Variants in LRBA observed in about 807,000 individuals in gnomAD.
LRBA encodes the protein LPS responsive beige-like anchor protein.
Under a neutral mutation model 330.0 loss-of-function variants are expected in LRBA, and 176 were observed. The ratio of observed to expected loss-of-function variants is 0.53; its 90% CI spans 0.47 to 0.60. LRBA has a LOEUF of 0.60. LRBA is among the 20% of genes least tolerant of loss of function. The pLI, the probability that LRBA is intolerant of heterozygous loss-of-function variation, is 0.00. For synonymous variants in LRBA, 1,230 were observed against 1,193.0 expected (o/e 1.03, Z -0.64); for missense variants, 3,259 against 3,444.8 (o/e 0.95, Z 1.35).
chr4:150,690,822 T>C (rs10018648), intron 36 of LRBA, among the ~76,000 whole-genome samples: 104,723 of 151,896 alleles, frequency 0.69, 41,970 homozygotes, highest in Non-Finnish European at 0.9. Context: ...AACTTTGGGA[T>C]AGGCAATGTT....
chr4:150,799,134 T>G (rs1332865341), intron 33 of LRBA, among the ~76,000 whole-genome samples: 1 of 152,228 alleles, frequency 6.6e-6, no homozygotes, highest in Non-Finnish European at 1.5e-5. Context: ...TTTTTAGCTT[T>G]ATAAATAGCA....
intron 53 of LRBA, among the ~76,000 whole-genome samples, chr4:150,302,359 G>T (rs1213169500): frequency 6.6e-6 from 1 of 151,962 alleles, no homozygotes; most frequent in South Asian, 2.1e-4. Flanking sequence ...ACTTTATTTG[G>T]TGACAGCTAT....
Position 150,282,382 on chromosome 4 carries a change from T to C in LRBA, c.8316+68A>G, listed in dbSNP as rs1453501771. 22 of 1,417,510 alleles carry C rather than the reference T, an allele frequency of 1.6e-5. No homozygotes were observed. In the East Asian group the frequency reaches 4.1e-4, roughly 26 times the overall value. 87.8% of individuals were successfully genotyped at this position (1,417,510 alleles called of 1,614,324 possible). ...AAATAGAGGTTTCTTTCGCGAACCC[T>C]CTCCCTCCCCACTTGACACACGTTG... On this transcript the variant is annotated intron_variant, in intron 55 of 56. Coordinates refer to ENST00000651943, the MANE Select transcript of LRBA (RefSeq NM_001364905.1).
chr4:150,988,188 A>G (rs1741670426), intron 2 of LRBA, among the ~76,000 whole-genome samples: 1 of 152,198 alleles, frequency 6.6e-6, no homozygotes, highest in Admixed American at 6.5e-5. Context: ...AAAATTATTC[A>G]AAATTATTTG....
chr4:150,536,752 A>C (rs1192720048), intron 40 of LRBA, among the ~76,000 whole-genome samples: 1 of 152,222 alleles, frequency 6.6e-6, no homozygotes, highest in African/African-American at 2.4e-5. Context: ...CATTTATAAT[A>C]GACACACACA....
chr4:150,533,950 T>G (rs1313887996), intron 40 of LRBA, among the ~76,000 whole-genome samples: 3 of 152,122 alleles, frequency 2.0e-5, no homozygotes, highest in Admixed American at 2.0e-4. Flanking sequence ...TTTGGCTCAG[T>G]CATGAAGATG....
At chr4:150,789,472 G>A (rs1359474917) in intron 34 of LRBA, among the ~76,000 whole-genome samples, 1 of 152,054 alleles carries the variant, frequency 6.6e-6, no homozygotes, top group Non-Finnish European at 1.5e-5. Flanking sequence ...GTCCTATTAT[G>A]TATGTCAAGG....
intron 2 of LRBA, among the ~76,000 whole-genome samples, chr4:150,951,316 C>T (rs187261754): frequency 1.5e-3 from 234 of 151,944 alleles, no homozygotes; most frequent in African/African-American, 3.0e-3. Context: ...TTTTTTAAAT[C>T]ATTTTCATTC....
At chr4:150,444,929 C>T (rs1752396977) in intron 44 of LRBA, among the ~76,000 whole-genome samples, 1 of 152,112 alleles carries the variant, frequency 6.6e-6, no homozygotes, top group Non-Finnish European at 1.5e-5. Context: ...GTGTTTATCT[C>T]ATTTTGAGAA....
intron 2 of LRBA, among the ~76,000 whole-genome samples, chr4:150,983,390 G>A (rs1269398714): frequency 7.9e-5 from 12 of 151,978 alleles, no homozygotes; most frequent in Non-Finnish European, 1.5e-5. Flanking sequence ...AGGAGGTTGA[G>A]GCTGCAGTGA....
intron 2 of LRBA, among the ~76,000 whole-genome samples, chr4:150,984,015 C>T (rs1227554246): frequency 6.6e-6 from 1 of 152,188 alleles, no homozygotes; most frequent in African/African-American, 2.4e-5. Flanking sequence ...ATTCAAGCCA[C>T]AAGCCCAATT....
intron 47 of LRBA, among the ~76,000 whole-genome samples, chr4:150,366,426 C>CA (rs1260840033): frequency 6.6e-6 from 1 of 152,042 alleles, no homozygotes; most frequent in Non-Finnish European, 1.5e-5. Flanking sequence ...CAGAATCTAG[C>CA]AAAATATATT....
chr4:150,869,100 T>C (rs886843441), intron 20 of LRBA, among the ~76,000 whole-genome samples: 4 of 152,226 alleles, frequency 2.6e-5, no homozygotes, highest in African/African-American at 7.2e-5. Context: ...TTTGTATTTT[T>C]AGTAGAGACA....
intron 55 of LRBA, among the ~76,000 whole-genome samples, chr4:150,282,057 A>G (rs2126762742): frequency 6.6e-6 from 1 of 152,342 alleles, no homozygotes; most frequent in South Asian, 2.1e-4. Context: ...AGCTATTCAG[A>G]TGTAAAGAGA....
chr4:150,953,968 C>CCTG (rs1737186240), intron 2 of LRBA, among the ~76,000 whole-genome samples: 1 of 5,844 alleles, frequency 1.7e-4, no homozygotes, highest in Non-Finnish European at 8.3e-4. Flanking sequence ...GCGCCTCTGC[C>CCTG]CCGCCACCCC....
chr4:150,347,062 T>C (rs1257989512), intron 48 of LRBA, among the ~76,000 whole-genome samples: 1 of 152,230 alleles, frequency 6.6e-6, no homozygotes, highest in Non-Finnish European at 1.5e-5. Context: ...TGTGATACAT[T>C]CTATAGCATG....
chr4:150,667,641 G>T (rs1781684985), intron 37 of LRBA, among the ~76,000 whole-genome samples: 1 of 152,112 alleles, frequency 6.6e-6, no homozygotes, highest in Non-Finnish European at 1.5e-5. Context: ...GATTGTGAGG[G>T]TAGGACCCTC....
intron 40 of LRBA, among the ~76,000 whole-genome samples, chr4:150,516,169 AT>A (rs1473119444): frequency 7.5e-6 from 1 of 133,608 alleles, no homozygotes; most frequent in African/African-American, 2.9e-5. Flanking sequence ...ACAAATATAT[AT>A]TTTTTTAAAA....
intron 42 of LRBA, among the ~76,000 whole-genome samples, chr4:150,486,724 A>C (rs1457049700): frequency 6.6e-6 from 1 of 151,776 alleles, no homozygotes; most frequent in Non-Finnish European, 1.5e-5. Context: ...ACTATGCTGT[A>C]AGATAGATCT....
Sources: allele counts gnomAD v4.1 joint callset (sites outside exome capture counted in the v4.1 genomes callset), GRCh38; gene constraint gnomAD v4.1.1; transcripts MANE v1.5; gene names NCBI Gene and HGNC (gene_info 2026-07-23, HGNC 2026-07-21).